Variants in VWA2 observed in about 807,000 individuals in gnomAD.
The protein encoded by VWA2 is von Willebrand factor A domain containing 2, also known as von Willebrand factor A domain-containing protein 2.
VWA2 carries 73 observed loss-of-function variants against 70.4 expected under a neutral mutation model. That is an observed-to-expected ratio of 1.04 (90% CI 0.86 to 1.26). The LOEUF (loss-of-function observed/expected upper bound fraction) is 1.26. VWA2 is among the 50% of genes most tolerant of loss of function. VWA2 has a pLI of 0.00. For missense variants in VWA2, 1,011 were observed against 998.5 expected (o/e 1.01, Z -0.17); for synonymous variants, 407 against 423.3 (o/e 0.96, Z 0.47).
At chr10:114,285,555 A>T (rs2038759532) in intron 10 of VWA2, among the ~76,000 whole-genome samples, 1 of 152,268 alleles carries the variant, frequency 6.6e-6, no homozygotes, top group Non-Finnish European at 1.5e-5. Context: ...ACCAGAAGTC[A>T]ATTCTAGCGT....
Position 114,272,906 on chromosome 10 carries a change from G to C in VWA2, c.538G>C (p.Val180Leu), listed in dbSNP as rs1358343885. 5 of 1,613,240 alleles carry C rather than the reference G, an allele frequency of 3.1e-6. No homozygotes were observed. Among genetic ancestry groups the C allele is most frequent in the Middle Eastern group, 1.7e-4 (1 of 6,010 alleles). ...GCAGCTGAAGGAAAGGGGTGTCACT[G>C]TGTTTGCTGTGGGGGTCAGGTTTCC... ...SKQLKERGVT[V>L]FAVGVRFPRW... is the part of the protein sequence containing the mutation. Residue 180 changes from valine (V) to leucine (L), a missense_variant, in exon 6 of 14, where the codon GTG (valine) becomes CTG (leucine). By Grantham distance (32) the Val-to-Leu change is conservative. Coordinates refer to ENST00000392982, the MANE Select transcript of VWA2 (RefSeq NM_001272046.2).
rs912666567 is a variant in VWA2, at chr10:114,292,714, C to CT, written c.*1485dup. Among the ~76,000 whole-genome samples, 7 of 151,318 alleles carry CT rather than the reference C, an allele frequency of 4.6e-5. No individual in the cohort carries two copies. The highest frequency in any genetic ancestry group is 2.1e-4 in the South Asian group (1 of 4,784). ...TGACTCCAGACACTTTATCGTTTTTCTTTTTTTTGAGACGGAGTTTTGCTC... is the reference window on the plus strand; with the variant it reads ...TGACTCCAGACACTTTATCGTTTTTCTTTTTTTTTGAGACGGAGTTTTGCTC... On this transcript the variant is annotated 3_prime_UTR_variant, in exon 14 of 14. Coordinates refer to ENST00000392982, the MANE Select transcript of VWA2 (RefSeq NM_001272046.2).
chr10:114,244,685 T>C (rs571862525), intron 1 of VWA2, among the ~76,000 whole-genome samples: 1 of 152,212 alleles, frequency 6.6e-6, no homozygotes, highest in African/African-American at 2.4e-5. Flanking sequence ...CAAATTAGTA[T>C]TGTAGGAAAA....
At chr10:114,251,510 G>A (rs2037195285) in intron 2 of VWA2, among the ~76,000 whole-genome samples, 2 of 152,194 alleles carry the variant, frequency 1.3e-5, no homozygotes, top group African/African-American at 4.8e-5. Flanking sequence ...GAGTTTGCTG[G>A]TAAGATATTT....
intron 4 of VWA2, among the ~76,000 whole-genome samples, chr10:114,256,024 T>C (rs2037319592): frequency 6.6e-6 from 1 of 152,172 alleles, no homozygotes; most frequent in African/African-American, 2.4e-5. Flanking sequence ...GAGTGTGAAA[T>C]GGTGCAGCCT....
intron 5 of VWA2, among the ~76,000 whole-genome samples, chr10:114,271,094 T>C (rs749206873): frequency 5.6e-4 from 85 of 152,350 alleles, no homozygotes; most frequent in Admixed American, 2.1e-3. Context: ...TTTTCCTTGC[T>C]GTCTTGTAGA....
intron 8 of VWA2, among the ~76,000 whole-genome samples, chr10:114,279,449 T>G (rs1400812843): frequency 6.6e-6 from 1 of 151,922 alleles, no homozygotes; most frequent in Non-Finnish European, 1.5e-5. Context: ...GCCGGGGCAG[T>G]GTTTGAATCA....
intron 1 of VWA2, chr10:114,246,218 G>T: frequency 9.5e-7 from 1 of 1,053,200 alleles, no homozygotes; most frequent in Non-Finnish European, 1.5e-6. Flanking sequence ...ATCACGGGTT[G>T]GGCTGGGCAT....
chr10:114,245,595 G>T (rs191000219), intron 1 of VWA2, among the ~76,000 whole-genome samples: 32 of 152,168 alleles, frequency 2.1e-4, no homozygotes, highest in African/African-American at 7.7e-4. Flanking sequence ...CCTCTGTGGT[G>T]TGGAGTAAGA....
chr10:114,274,477 T>C (rs2037778816), intron 6 of VWA2, among the ~76,000 whole-genome samples: 1 of 152,076 alleles, frequency 6.6e-6, no homozygotes, highest in African/African-American at 2.4e-5. Context: ...GATATGTTTG[T>C]TGTTTGTTGT....
At chr10:114,277,281 T>C (rs1279467909) in intron 6 of VWA2, among the ~76,000 whole-genome samples, 1 of 147,010 alleles carries the variant, frequency 6.8e-6, no homozygotes, top group African/African-American at 2.5e-5. Flanking sequence ...CCTCCCAGGT[T>C]CAAGTGGCTC....
chr10:114,279,825 C>A lies in VWA2; in HGVS notation c.833+974C>A, dbSNP rs542285884. On this transcript the variant is annotated intron_variant, in intron 8 of 13. Transcript: ENST00000392982. ...GGAGGGCATTGGAAAAGGAGACCAG[C>A]GGCCACCCTGAGGCATCCTAGGTGT... is the stretch of plus-strand genomic sequence containing the variant. Among the ~76,000 whole-genome samples the A allele has an allele frequency of 4.1e-4, 62 of 152,188 alleles. 1 individual carries two copies. The highest frequency in any genetic ancestry group is 1.6e-4 in the Non-Finnish European group (11 of 68,032).
intron 1 of VWA2, 69 bp from the exon 2 acceptor site, chr10:114,248,635 G>T: frequency 7.4e-7 from 1 of 1,348,512 alleles, no homozygotes; most frequent in South Asian, 1.2e-5. Context: ...CATCTTGTTT[G>T]GCGGTGTGAC....
At position 114,272,820 on chromosome 10, in the gene VWA2, C is replaced by T. The variant is rs2037741339; in HGVS notation, c.452C>T (p.Pro151Leu). ...CCTGGAGGCAGAAATGCTTCTGTGC[C>T]CCAGATCCTCATCATCGTCACTGAT... is the stretch of plus-strand genomic sequence containing the variant. Reference protein sequence around the residue: ...GLPGGRNASVPQILIIVTDGK... With the variant: ...GLPGGRNASVLQILIIVTDGK... Residue 151 changes from proline to leucine, a missense_variant, in exon 6 of 14, where the codon CCC becomes CTC. Physicochemically the swap from Pro to Leu is moderately conservative, Grantham distance 98 (BLOSUM62 -3). Coordinates refer to ENST00000392982, the MANE Select transcript of VWA2 (RefSeq NM_001272046.2). The T allele has an allele frequency of 1.2e-6, 2 of 1,613,832 alleles. No individual in the cohort carries two copies. Among genetic ancestry groups the T allele is most frequent in the African/African-American group, 2.7e-5 (2 of 74,864 alleles).
At chr10:114,258,119 A>G (rs1432943540) in intron 4 of VWA2, among the ~76,000 whole-genome samples, 1 of 152,230 alleles carries the variant, frequency 6.6e-6, no homozygotes, top group Non-Finnish European at 1.5e-5. Context: ...ACCCCTTGGC[A>G]TGCTGCAGAA....
rs578077979 is a variant in VWA2, at chr10:114,264,813, G to A, written c.371+3518G>A. 4.6e-5 allele frequency among the ~76,000 whole-genome samples: 7 copies of A among 151,672 alleles called. No homozygotes were observed. In the East Asian group the frequency reaches 9.7e-4, roughly 21 times the overall value. ...TGGCTCACTGTCACCTCCACCTCCC[G>A]GGTTCAAGCGATTCTCCTGCCTCAG... On this transcript the variant is annotated intron_variant, in intron 5 of 13. Coordinates refer to ENST00000392982, the MANE Select transcript of VWA2 (RefSeq NM_001272046.2).
chr10:114,246,473 C>A, intron 1 of VWA2: 1 of 657,208 alleles, frequency 1.5e-6, no homozygotes, highest in Non-Finnish European at 2.5e-6. Flanking sequence ...TGCATTCCAG[C>A]CTGGGCAACA....
intron 4 of VWA2, among the ~76,000 whole-genome samples, chr10:114,259,542 A>G (rs1371155477): frequency 1.3e-5 from 2 of 152,014 alleles, no homozygotes; most frequent in Non-Finnish European, 2.9e-5. Flanking sequence ...AGTAATAGAA[A>G]GTAAGGTCTT....
intron 5 of VWA2, among the ~76,000 whole-genome samples, chr10:114,271,608 A>ACACACACACAC (rs2037711035): frequency 1.5e-4 from 22 of 144,796 alleles, no homozygotes; most frequent in African/African-American, 4.6e-4. Context: ...GAGAAGTAAA[A>ACACACACACAC]ACACACACAC....
Sources: gnomAD v4.1 joint callset for allele counts (sites outside exome capture counted in the v4.1 genomes callset) on GRCh38, gnomAD v4.1.1 for gene constraint, MANE v1.5 for transcripts, NCBI Gene and HGNC (gene_info 2026-07-23, HGNC 2026-07-21) for gene names.